SLIT3: variants seen among roughly 807,000 people sequenced by gnomAD.
SLIT3 encodes the protein slit homolog 3 protein.
A neutral mutation model predicts 184.0 loss-of-function variants in SLIT3; 68 were observed. That is an observed-to-expected ratio of 0.37 (90% CI 0.30 to 0.45). SLIT3 has a LOEUF of 0.45. Among genes scored for constraint, SLIT3 ranks in the 20% least tolerant of loss-of-function variants. SLIT3 has a pLI of 1.00. For synonymous variants in SLIT3, 831 were observed against 828.6 expected, an observed-to-expected ratio of 1.00 and a Z score of -0.05; for missense variants, 1,707 against 2,026.0, an observed-to-expected ratio of 0.84 and a Z score of 3.02.
chr5:169,197,670 T>A (rs1763781098), intron 3 of SLIT3, among the ~76,000 whole-genome samples: 1 of 152,118 alleles, frequency 6.6e-6, no homozygotes, highest in African/African-American at 2.4e-5. Flanking sequence ...TGAATGGAAC[T>A]CATATGAGGA....
chr5:168,863,937 G>C (rs961155667), intron 5 of SLIT3, among the ~76,000 whole-genome samples: 2 of 151,942 alleles, frequency 1.3e-5, no homozygotes, highest in Admixed American at 6.6e-5. Flanking sequence ...AGCATGTGTG[G>C]GCCAGGTGCG....
At chr5:169,199,452 C>T (rs139088276) in intron 3 of SLIT3, among the ~76,000 whole-genome samples, 33 of 152,142 alleles carry the variant, frequency 2.2e-4, no homozygotes, top group African/African-American at 6.0e-4. Flanking sequence ...GAACACTGTG[C>T]GGAAGGTGGT....
In SLIT3 at chr5:168,673,280, T is replaced by G. The variant is rs1320941722; in HGVS notation, c.3738A>C (p.Leu1246=). 97 of 1,614,010 alleles carry G rather than the reference T, an allele frequency of 6.0e-5. No homozygotes were observed. The highest frequency in any genetic ancestry group is 8.1e-5 in the Non-Finnish European group (95 of 1,180,036). The change falls in exon 33 of 36, where the codon CTA becomes CTC. Residue 1246 remains leucine, a synonymous_variant. Coordinates refer to ENST00000519560, the MANE Select transcript of SLIT3 (RefSeq NM_003062.4). Reference sequence around the variant, plus strand: ...CCACTACTAGGTTCAGGGTCTGGTTTAGCGTCACCAGCTCCACACTGTGAA... The same window carrying G: ...CCACTACTAGGTTCAGGGTCTGGTTGAGCGTCACCAGCTCCACACTGTGAA... The part of the protein sequence containing the change: ...GQFHSVELVT[L]NQTLNLVVDK...
chr5:168,996,513 G>A (rs1034497461), intron 4 of SLIT3, among the ~76,000 whole-genome samples: 3 of 152,312 alleles, frequency 2.0e-5, no homozygotes, highest in Middle Eastern at 3.4e-3. Context: ...TTCTTCCAGT[G>A]ACTTTGGGCT....
intron 12 of SLIT3, among the ~76,000 whole-genome samples, chr5:168,783,587 A>G (rs185465895): frequency 2.3e-4 from 35 of 152,344 alleles, no homozygotes; most frequent in African/African-American, 6.7e-4. Context: ...ATGAGAAGAA[A>G]AAATGCAATC....
At chr5:168,855,499 G>A (rs966651931) in intron 5 of SLIT3, among the ~76,000 whole-genome samples, 5 of 152,194 alleles carry the variant, frequency 3.3e-5, no homozygotes, top group African/African-American at 7.2e-5. Context: ...GTGGATACAC[G>A]AATTGTGGTA....
intron 20 of SLIT3, among the ~76,000 whole-genome samples, chr5:168,741,005 G>T (rs572634198): frequency 6.6e-6 from 1 of 152,172 alleles, no homozygotes; most frequent in East Asian, 1.9e-4. Context: ...CTCACTGCAC[G>T]TGGGGGCATT....
At chr5:168,751,940 C>T (rs1754730861) in intron 18 of SLIT3, among the ~76,000 whole-genome samples, 1 of 152,146 alleles carries the variant, frequency 6.6e-6, no homozygotes, top group South Asian at 2.1e-4. Flanking sequence ...GGGGTTTCAC[C>T]ACATTGGCCA....
At chr5:168,779,057 T>A (rs1184373171) in intron 12 of SLIT3, among the ~76,000 whole-genome samples, 1 of 152,216 alleles carries the variant, frequency 6.6e-6, no homozygotes, top group Admixed American at 6.5e-5. Context: ...AGGGGCCACA[T>A]GGCCTAACAG....
intron 1 of SLIT3, among the ~76,000 whole-genome samples, chr5:169,270,037 C>A (rs997062908): frequency 2.6e-5 from 4 of 152,146 alleles, no homozygotes; most frequent in African/African-American, 7.2e-5. Context: ...AATGAAAATT[C>A]TCTTTACTCT....
At chr5:168,776,843 T>A (rs1422170756) in intron 12 of SLIT3, among the ~76,000 whole-genome samples, 1 of 152,058 alleles carries the variant, frequency 6.6e-6, no homozygotes, top group Non-Finnish European at 1.5e-5. Flanking sequence ...TGATTTTTTT[T>A]AAAGTACACA....
chr5:168,796,431 C>T (rs913362810), intron 9 of SLIT3, among the ~76,000 whole-genome samples: 13 of 152,088 alleles, frequency 8.5e-5, no homozygotes, highest in African/African-American at 2.4e-4. Flanking sequence ...GGAGGTGGGG[C>T]GCTCTATTCG....
At chr5:168,902,420 G>A (rs1341006182) in intron 4 of SLIT3, among the ~76,000 whole-genome samples, 1 of 152,222 alleles carries the variant, frequency 6.6e-6, no homozygotes, top group East Asian at 1.9e-4. Flanking sequence ...AGTACAAGAT[G>A]TTTGTATGAT....
intron 4 of SLIT3, among the ~76,000 whole-genome samples, chr5:168,930,585 G>A (rs939328684): frequency 1.3e-5 from 2 of 152,116 alleles, no homozygotes; most frequent in Admixed American, 1.3e-4. Flanking sequence ...AAAACATGCA[G>A]AGGGCTGAGT....
At chr5:169,219,636 G>A (rs1177265449) in intron 3 of SLIT3, among the ~76,000 whole-genome samples, 3 of 152,146 alleles carry the variant, frequency 2.0e-5, no homozygotes, top group Admixed American at 1.3e-4. Flanking sequence ...CTCACCCCAC[G>A]ACCCACAGAT....
At chr5:169,100,520 G>T (rs1759968601) in intron 4 of SLIT3, among the ~76,000 whole-genome samples, 1 of 152,194 alleles carries the variant, frequency 6.6e-6, no homozygotes, top group African/African-American at 2.4e-5. Context: ...AGGAATATGG[G>T]TCCATGCTGT....
At chr5:169,046,646 C>T (rs1056316976) in intron 4 of SLIT3, among the ~76,000 whole-genome samples, 10 of 152,138 alleles carry the variant, frequency 6.6e-5, no homozygotes, top group South Asian at 4.1e-4. Flanking sequence ...TCCTTTTGGG[C>T]GCTGGAGACT....
intron 4 of SLIT3, among the ~76,000 whole-genome samples, chr5:169,074,232 G>A (rs1182106161): frequency 6.6e-6 from 1 of 152,130 alleles, no homozygotes; most frequent in African/African-American, 2.4e-5. Context: ...ACTGTATTTT[G>A]GGTATTGTTG....
intron 5 of SLIT3, among the ~76,000 whole-genome samples, chr5:168,862,752 G>A (rs1457224742): frequency 6.6e-6 from 1 of 151,794 alleles, no homozygotes. Flanking sequence ...TTGGCTCACT[G>A]CAAGCTCTGC....
Sources: gnomAD v4.1 joint callset for allele counts (sites outside exome capture counted in the v4.1 genomes callset) on GRCh38, gnomAD v4.1.1 for gene constraint, MANE v1.5 for transcripts, NCBI Gene and HGNC (gene_info 2026-07-23, HGNC 2026-07-21) for gene names.